Variants in NETO1 observed in about 807,000 individuals in gnomAD.
NETO1 encodes the protein neuropilin and tolloid-like protein 1.
A neutral mutation model predicts 61.3 loss-of-function variants in NETO1; 26 were observed. The ratio of observed to expected loss-of-function variants is 0.42; its 90% CI spans 0.31 to 0.59. The LOEUF (loss-of-function observed/expected upper bound fraction) is 0.59. NETO1 is among the 20% of genes least tolerant of loss of function. NETO1 has a pLI of 0.12. For missense variants in NETO1, 531 were observed against 662.8 expected, an observed-to-expected ratio of 0.80 and a Z score of 2.18; for synonymous variants, 225 against 225.8, an observed-to-expected ratio of 1.00 and a Z score of 0.03.
At chr18:72,752,451 C>A (rs2070652712) in intron 8 of NETO1, among the ~76,000 whole-genome samples, 1 of 152,142 alleles carries the variant, frequency 6.6e-6, no homozygotes. Flanking sequence ...AAGGCGGTGG[C>A]CTCTGTGGTG....
intron 8 of NETO1, chr18:72,751,938 C>T (rs560691000): frequency 7.2e-5 from 11 of 152,270 alleles, no homozygotes; most frequent in Admixed American, 6.5e-4. Context: ...GGCTTCTGGA[C>T]ATTCGAAAGT....
intron 4 of NETO1, among the ~76,000 whole-genome samples, chr18:72,814,309 G>A (rs1405339227): frequency 2.0e-5 from 3 of 151,998 alleles, no homozygotes; most frequent in African/African-American, 4.8e-5. Context: ...GTTTTTCAAG[G>A]GAATAATGAC....
At chr18:72,846,606 G>C (rs940465024) in intron 4 of NETO1, among the ~76,000 whole-genome samples, 1 of 149,760 alleles carries the variant, frequency 6.7e-6, no homozygotes. Context: ...AATGTCAAAG[G>C]TAAAACACTT....
chr18:72,842,664 G>T (rs2073971072), intron 4 of NETO1, among the ~76,000 whole-genome samples: 1 of 152,160 alleles, frequency 6.6e-6, no homozygotes, highest in Non-Finnish European at 1.5e-5. Flanking sequence ...TAAGCCTGAA[G>T]CCAATAGGCA....
rs935315118 is a variant in NETO1, at chr18:72,867,523, C to T, written c.-232G>A. 3.7e-4 allele frequency: 141 copies of T among 385,494 alleles called. No individual in the cohort carries two copies. Among genetic ancestry groups the T allele is most frequent in the Non-Finnish European group, 5.6e-4 (123 of 217,878 alleles). 23.9% of individuals were successfully genotyped at this position (385,494 alleles called of 1,614,324 possible). On this transcript the variant is annotated 5_prime_UTR_variant, in exon 1 of 11. Transcript: ENST00000327305. ...CGGGCGGGCTCTCGCTCTCGCTGGC[C>T]CTCAGCGCCGCGCAGCCAGCAGCAT...
intron 7 of NETO1, among the ~76,000 whole-genome samples, chr18:72,759,905 C>G (rs1456584844): frequency 6.6e-6 from 1 of 152,150 alleles, no homozygotes; most frequent in African/African-American, 2.4e-5. Flanking sequence ...ATCCAAATGC[C>G]AAGTACCTCA....
chr18:72,810,013 A>C (rs117649345), intron 4 of NETO1, among the ~76,000 whole-genome samples: 1 of 152,230 alleles, frequency 6.6e-6, no homozygotes, highest in Non-Finnish European at 1.5e-5. Context: ...AATATGTATG[A>C]AACTTTTTCT....
chr18:72,819,385 G>A (rs538571230), intron 4 of NETO1, among the ~76,000 whole-genome samples: 32 of 152,242 alleles, frequency 2.1e-4, no homozygotes, highest in African/African-American at 7.7e-4. Flanking sequence ...CTTCTAAAGA[G>A]CTCTATAATT....
rs2070693871 is a variant in NETO1 at position 72,753,581 on chromosome 18, C to T, written c.982+2453G>A. On this transcript the variant is annotated intron_variant, in intron 8 of 10. Coordinates refer to ENST00000327305, the MANE Select transcript of NETO1 (RefSeq NM_138966.5). ...GAAAACCAGTGAGTTCAGACAGTAA[C>T]TCAAATCCACATGAAAAAATTGAAC... Among the ~76,000 whole-genome samples the T allele has an allele frequency of 3.3e-5, 5 of 152,100 alleles. No homozygotes were observed. The South Asian group carries it at 1.0e-3, about 31-fold the overall frequency.
At chr18:72,848,951 T>G (rs1286232358) in intron 4 of NETO1, among the ~76,000 whole-genome samples, 1 of 152,232 alleles carries the variant, frequency 6.6e-6, no homozygotes, top group Non-Finnish European at 1.5e-5. Flanking sequence ...AGCCAAAGAT[T>G]TTCTTCATAG....
At chr18:72,856,505 A>T (rs891264901) in intron 4 of NETO1, among the ~76,000 whole-genome samples, 3 of 152,178 alleles carry the variant, frequency 2.0e-5, no homozygotes, top group African/African-American at 7.2e-5. Context: ...TCTTACAGGC[A>T]CTCAAGAAAT....
chr18:72,817,534 C>T (rs1392791227), intron 4 of NETO1, among the ~76,000 whole-genome samples: 1 of 152,150 alleles, frequency 6.6e-6, no homozygotes, highest in Non-Finnish European at 1.5e-5. Flanking sequence ...AGTAAAGATT[C>T]GGTACAAATA....
chr18:72,788,342 T>C (rs571870609), intron 6 of NETO1, among the ~76,000 whole-genome samples: 10 of 152,282 alleles, frequency 6.6e-5, no homozygotes, highest in African/African-American at 1.9e-4. Flanking sequence ...GAATATACTT[T>C]ACTGGGTCCA....
At chr18:72,863,184 T>C (rs377512459) in intron 3 of NETO1, among the ~76,000 whole-genome samples, 21 of 152,334 alleles carry the variant, frequency 1.4e-4, no homozygotes, top group Admixed American at 5.9e-4. Flanking sequence ...TTGAGACTGC[T>C]TCCCTCTTCA....
At chr18:72,758,454 C>A (rs144764465) in intron 7 of NETO1, among the ~76,000 whole-genome samples, 153 of 150,374 alleles carry the variant, frequency 1.0e-3, no homozygotes, top group African/African-American at 3.5e-3. Flanking sequence ...AGGTATTTCT[C>A]CATGTATTTT....
intron 4 of NETO1, among the ~76,000 whole-genome samples, chr18:72,842,429 G>T (rs971132698): frequency 3.9e-5 from 6 of 152,096 alleles, no homozygotes; most frequent in African/African-American, 9.7e-5. Flanking sequence ...CGATGGTGAT[G>T]ATGATGATGA....
chr18:72,830,054 T>C lies in NETO1; in HGVS notation c.469+28772A>G, dbSNP rs1416034633. Among the ~76,000 whole-genome samples, 1 of 152,192 alleles carries C rather than the reference T, an allele frequency of 6.6e-6. No individual in the cohort carries two copies. Among genetic ancestry groups the C allele is most frequent in the African/African-American group, 2.4e-5 (1 of 41,450 alleles). ...AGATAAAGGGATTTGGGGTGGATCA[T>C]AGTGTGTGTCTGTGAGATTGCCTCA... On this transcript the variant is annotated intron_variant, in intron 4 of 10. Transcript: ENST00000327305. This position sits in a 1 kb window ranked among gnomAD's most constrained non-coding sequence, Gnocchi z 4.9.
At chr18:72,743,647 C>G (rs1026443186), downstream of NETO1, 1 of 152,120 alleles carries the variant, frequency 6.6e-6, no homozygotes, top group African/African-American at 2.4e-5. Flanking sequence ...TCATTTTACC[C>G]TCAAAGTACT....
rs111990131 is a variant in NETO1, at chr18:72,820,626, C to T, written c.470-26222G>A. On this transcript the variant is annotated intron_variant, in intron 4 of 10. Coordinates refer to ENST00000327305, the MANE Select transcript of NETO1 (RefSeq NM_138966.5). ...CTGTACCCAAACGTTACTCTGGATG[C>T]GTCTGGATGAGATTAACATTTGAAT... is the stretch of plus-strand genomic sequence containing the variant. Among the ~76,000 whole-genome samples the T allele has an allele frequency of 4.2e-3, 640 of 152,272 alleles. 16 individuals are homozygous for T. Among genetic ancestry groups the T allele is most frequent in the East Asian group, 3.5e-3 (18 of 5,180 alleles).
Sources: allele counts gnomAD v4.1 joint callset (sites outside exome capture counted in the v4.1 genomes callset), GRCh38; gene constraint gnomAD v4.1.1; non-coding constraint Gnocchi (gnomAD v3.1); transcripts MANE v1.5; gene names NCBI Gene and HGNC (gene_info 2026-07-23, HGNC 2026-07-21).